FAM200B: variants seen among roughly 807,000 people sequenced by gnomAD.
FAM200B encodes protein FAM200B.
Under a neutral mutation model 33.1 loss-of-function variants are expected in FAM200B, and 32 were observed. The ratio of observed to expected loss-of-function variants is 0.97; its 90% CI spans 0.73 to 1.30. The LOEUF is 1.30. FAM200B is among the 50% of genes most tolerant of loss of function. The probability of loss-of-function intolerance (pLI) is 0.00; values close to 1 mark genes in which losing one functional copy is unlikely to be tolerated. For synonymous variants in FAM200B, 240 were observed against 264.8 expected (o/e 0.91, Z 0.91); for missense variants, 741 against 754.0 (o/e 0.98, Z 0.20).
the FAM200B span, among the ~76,000 whole-genome samples, chr4:15,674,284 C>T: frequency 6.7e-6 from 1 of 149,976 alleles, no homozygotes; most frequent in Non-Finnish European, 1.5e-5. Context: ...TTGTTCATTG[C>T]TAAGTGGCAT....
chr4:15,665,865 C>T, the FAM200B span, among the ~76,000 whole-genome samples: 1 of 152,100 alleles, frequency 6.6e-6, no homozygotes, highest in African/African-American at 2.4e-5. Flanking sequence ...TGTACCTGCA[C>T]CTGTTCTGAC....
the FAM200B span, among the ~76,000 whole-genome samples, chr4:15,645,466 C>T: frequency 1.3e-5 from 2 of 152,008 alleles, no homozygotes; most frequent in South Asian, 2.1e-4. Flanking sequence ...CTTGCTTTGT[C>T]GCCCAGGCTA....
rs555504313 is a variant in FAM200B at position 15,688,329 on chromosome 4, G to A, written c.1352G>A (p.Ser451Asn). The part of the protein sequence containing the change: ...ELSLKLQGKN[S>N]DVFQHVERIQ... ...AGTTTAAAACTACAGGGGAAAAACA[G>A]TGATGTATTCCAACATGTTGAACGT... Residue 451 changes from serine to asparagine, a missense_variant, in exon 2 of 2, where the codon AGT becomes AAT. By Grantham distance (46) the Ser-to-Asn change is conservative (BLOSUM62 1). Coordinates refer to ENST00000422728, the MANE Select transcript of FAM200B (RefSeq NM_001145191.2). 146 of 1,550,270 alleles carry A rather than the reference G, an allele frequency of 9.4e-5. No homozygotes were observed. Among genetic ancestry groups the A allele is most frequent in the Non-Finnish European group, 8.4e-5 (96 of 1,145,950 alleles).
chr4:15,650,532 AC>A, the FAM200B span, among the ~76,000 whole-genome samples: 1 of 152,178 alleles, frequency 6.6e-6, no homozygotes. Context: ...GTTCCTAGTG[AC>A]CTATAAAGTT....
the FAM200B span, among the ~76,000 whole-genome samples, chr4:15,670,710 G>GA: frequency 4.2e-3 from 619 of 148,936 alleles, 4 homozygotes; most frequent in African/African-American, 0.014. Context: ...TTGAAAAAAG[G>GA]AAAAAAAAAA....
chr4:15,667,175 G>A, the FAM200B span, among the ~76,000 whole-genome samples: 4,755 of 152,184 alleles, frequency 0.031, 118 homozygotes, highest in Non-Finnish European at 0.045. Flanking sequence ...CTGAATACAC[G>A]TCGTAGTACT....
At chr4:15,644,117 A>C in the FAM200B span, among the ~76,000 whole-genome samples, 22 of 152,200 alleles carry the variant, frequency 1.4e-4, 1 homozygote, top group Non-Finnish European at 4.4e-5. Flanking sequence ...ATCTACATCT[A>C]ATCAAACTAC....
the FAM200B span, among the ~76,000 whole-genome samples, chr4:15,670,611 G>C: frequency 6.6e-6 from 1 of 152,108 alleles, no homozygotes; most frequent in South Asian, 2.1e-4. Flanking sequence ...ACTGAAGGCA[G>C]TTTTATGTCC....
At chr4:15,657,983 A>G in the FAM200B span, among the ~76,000 whole-genome samples, 6 of 152,224 alleles carry the variant, frequency 3.9e-5, no homozygotes, top group African/African-American at 1.4e-4. Flanking sequence ...GTGAAAACCC[A>G]CATTGTAGAA....
the FAM200B span, among the ~76,000 whole-genome samples, chr4:15,658,437 G>A: frequency 6.6e-6 from 1 of 152,214 alleles, no homozygotes. Flanking sequence ...CCTTTAAGAG[G>A]TGATTGGGTC....
In FAM200B at chr4:15,688,358, C is replaced by A; in HGVS notation, c.1381C>A (p.Gln461Lys). The change falls in exon 2 of 2, where the codon CAG becomes AAG. Residue 461 changes from glutamine (Q) to lysine (K), a missense_variant. Gln to Lys is a moderately conservative substitution (Grantham distance 53). Coordinates refer to ENST00000422728, the MANE Select transcript of FAM200B (RefSeq NM_001145191.2). ...TGTATTCCAACATGTTGAACGTATC[C>A]AGGGATTTCGAAAGACATTATTGTT... Reference protein sequence around the residue: ...SDVFQHVERIQGFRKTLLLWQ... With the variant: ...SDVFQHVERIKGFRKTLLLWQ... The A allele has an allele frequency of 6.5e-7, 1 of 1,549,848 alleles. No individual in the cohort carries two copies. The highest frequency in any genetic ancestry group is 8.7e-7 in the Non-Finnish European group (1 of 1,145,564).
Position 15,687,627 on chromosome 4 carries a change from C to T in FAM200B, c.650C>T (p.Thr217Ile). The T allele has an allele frequency of 6.4e-7, 1 of 1,551,054 alleles. No individual in the cohort carries two copies. The highest frequency in any genetic ancestry group is 1.2e-5 in the South Asian group (1 of 84,036). ...GAACATTTAGAAACAATGCTTATTA[C>T]TCGTTTACAGTCTGGTATAGATTTT... ...IAEHLETMLITRLQSGIDFAI... is the reference protein window; with the variant it reads ...IAEHLETMLIIRLQSGIDFAI... The change falls in exon 2 of 2, where the codon ACT becomes ATT. Residue 217 changes from threonine to isoleucine, a missense_variant. Physicochemically the swap from Thr to Ile is moderately conservative, Grantham distance 89. Coordinates refer to ENST00000422728, the MANE Select transcript of FAM200B (RefSeq NM_001145191.2).
chr4:15,643,457 T>C, the FAM200B span, among the ~76,000 whole-genome samples: 1 of 152,234 alleles, frequency 6.6e-6, no homozygotes, highest in Non-Finnish European at 1.5e-5. Flanking sequence ...CTCTACATCA[T>C]TATCCTAAAC....
the FAM200B span, among the ~76,000 whole-genome samples, chr4:15,669,617 C>G: frequency 1.3e-5 from 2 of 152,122 alleles, no homozygotes; most frequent in Non-Finnish European, 2.9e-5. Context: ...TTACCCAATA[C>G]TTGGCTTCAA....
chr4:15,649,069 T>C, the FAM200B span, among the ~76,000 whole-genome samples: 4 of 152,118 alleles, frequency 2.6e-5, no homozygotes, highest in South Asian at 8.3e-4. Flanking sequence ...TGGTGGAGAA[T>C]ACAAAATATT....
chr4:15,646,132 TCAG>T, the FAM200B span, among the ~76,000 whole-genome samples: 3 of 152,212 alleles, frequency 2.0e-5, no homozygotes, highest in Non-Finnish European at 4.4e-5. Flanking sequence ...ATTATTTACC[TCAG>T]CAGTTGTAGC....
rs1027148806 is a variant in FAM200B at position 15,686,330 on chromosome 4, C to T, written c.-648C>T. ...CATGGAAAACCTCATTGGCTCCTCA[C>T]TGGATCAGACCATAAAAATGATCCA... On this transcript the variant is annotated 5_prime_UTR_variant, in exon 2 of 2. Coordinates refer to ENST00000422728, the MANE Select transcript of FAM200B (RefSeq NM_001145191.2). 1 of 152,180 alleles carries T rather than the reference C, an allele frequency of 6.6e-6. No individual in the cohort carries two copies. The highest frequency in any genetic ancestry group is 1.5e-5 in the Non-Finnish European group (1 of 68,034). 9.4% of individuals were successfully genotyped at this position (152,180 alleles called of 1,614,324 possible). A position where few individuals can be genotyped will look rare whatever the true frequency, so the allele number is the denominator to read the frequency against.
the FAM200B span, among the ~76,000 whole-genome samples, chr4:15,639,155 ACT>A: frequency 6.6e-6 from 1 of 152,176 alleles, no homozygotes; most frequent in African/African-American, 2.4e-5. Context: ...CAAGAGCGAA[ACT>A]CTGTCTCCAG....
the FAM200B span, among the ~76,000 whole-genome samples, chr4:15,648,010 G>A: frequency 1.3e-5 from 2 of 152,042 alleles, no homozygotes; most frequent in African/African-American, 4.8e-5. Context: ...GGTGTGGTGT[G>A]CACCACACCC....
Sources: gnomAD v4.1 joint callset for allele counts (sites outside exome capture counted in the v4.1 genomes callset) on GRCh38, gnomAD v4.1.1 for gene constraint, MANE v1.5 for transcripts, NCBI Gene and HGNC (gene_info 2026-07-23, HGNC 2026-07-21) for gene names.